ADAMTS20: variants seen among roughly 807,000 people sequenced by gnomAD.
ADAMTS20 encodes the protein A disintegrin and metalloproteinase with thrombospondin motifs 20.
Under a neutral mutation model 260.1 loss-of-function variants are expected in ADAMTS20, and 225 were observed. That is an observed-to-expected ratio of 0.87 (90% CI 0.78 to 0.97). ADAMTS20 has a LOEUF of 0.97. Among genes scored for constraint, ADAMTS20 ranks in the 50% least tolerant of loss-of-function variants. The pLI is 0.00. For synonymous variants in ADAMTS20, 802 were observed against 769.5 expected (o/e 1.04, Z -0.70); for missense variants, 2,400 against 2,337.7 (o/e 1.03, Z -0.55).
intron 28 of ADAMTS20, among the ~76,000 whole-genome samples, chr12:43,408,343 A>G (rs1277326315): frequency 6.6e-6 from 1 of 152,212 alleles, no homozygotes; most frequent in African/African-American, 2.4e-5. Context: ...GAGATTAGAA[A>G]AATATCTAAA....
In ADAMTS20 at chr12:43,456,768, G is replaced by A. The variant is rs989206303; in HGVS notation, c.1615-2716C>T. Reference sequence around the variant, plus strand: ...GGACTGCATAGTCTAAGCTAATTCCGATTGGCTCTTTTAAAAAGAGCAGGA... The same window carrying A: ...GGACTGCATAGTCTAAGCTAATTCCAATTGGCTCTTTTAAAAAGAGCAGGA... On this transcript the variant is annotated intron_variant, in intron 11 of 38. Transcript: ENST00000389420. Among the ~76,000 whole-genome samples the A allele has an allele frequency of 5.3e-5, 8 of 152,094 alleles. No homozygotes were observed. In the East Asian group the frequency reaches 5.8e-4, roughly 11 times the overall value.
chr12:43,503,932 T>C (rs1393655034), intron 3 of ADAMTS20, among the ~76,000 whole-genome samples: 1 of 152,226 alleles, frequency 6.6e-6, no homozygotes, highest in Non-Finnish European at 1.5e-5. Context: ...ATAGTATATA[T>C]GTACCACCAT....
intron 37 of ADAMTS20, among the ~76,000 whole-genome samples, chr12:43,365,229 C>T (rs1035026240): frequency 6.6e-6 from 1 of 151,994 alleles, no homozygotes; most frequent in African/African-American, 2.4e-5. Context: ...TTCTTGCTAG[C>T]ACATCTACTT....
At position 43,546,442 on chromosome 12, in the gene ADAMTS20, G is replaced by A. The variant is rs189666844; in HGVS notation, c.453+4467C>T. Among the ~76,000 whole-genome samples, 3 of 151,836 alleles carry A rather than the reference G, an allele frequency of 2.0e-5. No individual in the cohort carries two copies. In the East Asian group the frequency reaches 5.8e-4, roughly 29 times the overall value. ...TGTCTAGGCAGTTGAGTTAATCCCC[G>A]AGGACCTTGGGAAGACTTGAACACC... On this transcript the variant is annotated intron_variant, in intron 2 of 38. Transcript: ENST00000389420.
intron 13 of ADAMTS20, 34 bp from the exon 14 acceptor site, chr12:43,452,444 A>T: frequency 6.2e-7 from 1 of 1,606,926 alleles, no homozygotes; most frequent in Non-Finnish European, 8.5e-7. Flanking sequence ...TTTTTAATGT[A>T]TAATAATAAA....
At chr12:43,387,072 G>A (rs1159163294) in intron 29 of ADAMTS20, among the ~76,000 whole-genome samples, 1 of 152,098 alleles carries the variant, frequency 6.6e-6, no homozygotes, top group Non-Finnish European at 1.5e-5. Flanking sequence ...GAGGCATTCT[G>A]GTTTTTGGAA....
At chr12:43,521,243 C>A (rs1943067829) in intron 3 of ADAMTS20, among the ~76,000 whole-genome samples, 1 of 152,198 alleles carries the variant, frequency 6.6e-6, no homozygotes, top group South Asian at 2.1e-4. Flanking sequence ...AGCAGCGCAG[C>A]CAGAACTCGC....
chr12:43,436,455 T>A (rs571205786), intron 18 of ADAMTS20, among the ~76,000 whole-genome samples: 59 of 151,676 alleles, frequency 3.9e-4, no homozygotes, highest in African/African-American at 1.4e-3. Context: ...GTTAAATTAA[T>A]TTTAATAACC....
At chr12:43,440,140 T>C (rs922834265) in intron 16 of ADAMTS20, 71 bp from the exon 17 acceptor site, 4 of 43,058 alleles carry the variant, frequency 9.3e-5, no homozygotes, top group Non-Finnish European at 1.3e-4. Context: ...CTTGTTTAAC[T>C]TTTTTTTTTT....
intron 3 of ADAMTS20, among the ~76,000 whole-genome samples, chr12:43,503,772 T>G (rs1351788315): frequency 6.6e-6 from 1 of 152,112 alleles, no homozygotes; most frequent in Non-Finnish European, 1.5e-5. Flanking sequence ...TGTCTATGTA[T>G]TCTTGTTATC....
At chr12:43,441,806 C>T (rs886707851) in intron 16 of ADAMTS20, among the ~76,000 whole-genome samples, 1 of 152,142 alleles carries the variant, frequency 6.6e-6, no homozygotes, top group African/African-American at 2.4e-5. Context: ...TTATCTATGG[C>T]TAACTTCCTA....
intron 11 of ADAMTS20, among the ~76,000 whole-genome samples, chr12:43,459,751 A>G (rs780873345): frequency 3.9e-5 from 6 of 152,332 alleles, no homozygotes; most frequent in Non-Finnish European, 7.4e-5. Context: ...AAGTCATTCA[A>G]TATAAGAAAG....
intron 28 of ADAMTS20, among the ~76,000 whole-genome samples, chr12:43,418,572 G>T (rs1941175004): frequency 1.3e-5 from 2 of 152,178 alleles, no homozygotes; most frequent in Non-Finnish European, 2.9e-5. Flanking sequence ...GCCTCCCAAA[G>T]TGCTGGGATT....
chr12:43,363,134 G>A (rs561599599), intron 37 of ADAMTS20, among the ~76,000 whole-genome samples: 87 of 151,742 alleles, frequency 5.7e-4, no homozygotes, highest in African/African-American at 2.0e-3. Context: ...CCCATGACTC[G>A]CCCTCTTTTC....
At chr12:43,396,984 C>T (rs1055647994) in intron 29 of ADAMTS20, among the ~76,000 whole-genome samples, 1 of 152,156 alleles carries the variant, frequency 6.6e-6, no homozygotes, top group Non-Finnish European at 1.5e-5. Context: ...GAGTTAACTG[C>T]TGGACAGATC....
At chr12:43,495,145 C>G (rs1446800718) in intron 4 of ADAMTS20, among the ~76,000 whole-genome samples, 1 of 152,146 alleles carries the variant, frequency 6.6e-6, no homozygotes, top group East Asian at 1.9e-4. Context: ...GAAACAGATG[C>G]TGCACCTTTA....
chr12:43,365,755 A>G (rs1939970303), intron 37 of ADAMTS20, among the ~76,000 whole-genome samples: 1 of 151,992 alleles, frequency 6.6e-6, no homozygotes, highest in Admixed American at 6.6e-5. Context: ...AGAAAAAGAG[A>G]AGAAATAGGT....
At chr12:43,523,284 T>A (rs1189406487) in intron 3 of ADAMTS20, among the ~76,000 whole-genome samples, 5 of 152,210 alleles carry the variant, frequency 3.3e-5, no homozygotes, top group Admixed American at 2.6e-4. Context: ...GAGTCTTGCA[T>A]GCATTCCCAG....
At position 43,383,887 on chromosome 12, in the gene ADAMTS20, G is replaced by T; in HGVS notation, c.4543C>A (p.Gln1515Lys). The change falls in exon 30 of 39, where the codon CAG becomes AAG. Residue 1515 changes from glutamine to lysine, a missense_variant. Transcript: ENST00000389420. Reference sequence around the variant, plus strand: ...CTCTGAGAACAAGGTCGGGTGGACTGATCACACATTTCTTCAACCACCTGA... The same window carrying T: ...CTCTGAGAACAAGGTCGGGTGGACTTATCACACATTTCTTCAACCACCTGA... ...VGQVVEEMCDQSTRPCSQRRC... is the reference protein window; with the variant it reads ...VGQVVEEMCDKSTRPCSQRRC... The T allele has an allele frequency of 1.2e-6, 2 of 1,613,910 alleles. No individual in the cohort carries two copies. Among genetic ancestry groups the T allele is most frequent in the Non-Finnish European group, 1.7e-6 (2 of 1,179,858 alleles).
Sources: gnomAD v4.1 joint callset for allele counts (sites outside exome capture counted in the v4.1 genomes callset) on GRCh38, gnomAD v4.1.1 for gene constraint, MANE v1.5 for transcripts, NCBI Gene and HGNC (gene_info 2026-07-23, HGNC 2026-07-21) for gene names.